The following KAZN variants were observed in gnomAD, a reference collection of about 807,000 sequenced individuals.
KAZN encodes the protein kazrin.
KAZN carries 40 observed loss-of-function variants against 87.4 expected under a neutral mutation model. The observed-to-expected ratio is 0.46, with a 90% CI of 0.36 to 0.60. KAZN has a LOEUF of 0.60. Ranked by LOEUF, KAZN falls within the 20% of genes least tolerant of loss-of-function variation. The pLI is 0.00. For missense variants in KAZN, 898 were observed against 1,073.9 expected (o/e 0.84, Z 2.29); for synonymous variants, 466 against 458.3 (o/e 1.02, Z -0.22).
chr1:14,088,506 A>G (rs1643902859), intron 1 of KAZN, among the ~76,000 whole-genome samples: 1 of 151,978 alleles, frequency 6.6e-6, no homozygotes, highest in South Asian at 2.1e-4. Context: ...AGAGATTTAT[A>G]TGATTTCAAT....
chr1:13,964,875 G>T (rs1641887096), intron 1 of KAZN, among the ~76,000 whole-genome samples: 1 of 152,206 alleles, frequency 6.6e-6, no homozygotes, highest in African/African-American at 2.4e-5. Flanking sequence ...CATTAAACAG[G>T]CTGGCAGGGA....
At chr1:14,958,238 C>T (rs572462856) in intron 1 of KAZN, among the ~76,000 whole-genome samples, 1 of 152,286 alleles carries the variant, frequency 6.6e-6, no homozygotes, top group South Asian at 2.1e-4. Context: ...TAGGAAAGGG[C>T]AGTGCATTAC....
At chr1:14,238,309 G>A (rs925785374) in intron 2 of KAZN, among the ~76,000 whole-genome samples, 6 of 152,224 alleles carry the variant, frequency 3.9e-5, no homozygotes, top group African/African-American at 1.2e-4. Flanking sequence ...GCTGGAAGGA[G>A]TAGGTGATGG....
intron 2 of KAZN, among the ~76,000 whole-genome samples, chr1:14,501,531 A>G (rs1670253509): frequency 6.6e-6 from 1 of 152,228 alleles, no homozygotes; most frequent in South Asian, 2.1e-4. Context: ...TTTTAAAAAC[A>G]ATTCCTTTTA....
rs188534890 is a variant in KAZN, at chr1:14,805,587, G to A, written c.227-155097G>A. 5.5e-3 allele frequency among the ~76,000 whole-genome samples: 839 copies of A among 151,976 alleles called. 9 individuals carry two copies. The highest frequency in any genetic ancestry group is 0.019 in the African/African-American group (784 of 41,466). ...CAGCCTGACCAACATGGTAAAACCC[G>A]TCTCTACTAAAAATACAAAAATTAG... On this transcript the variant is annotated intron_variant, in intron 1 of 14. Coordinates refer to ENST00000376030, the MANE Select transcript of KAZN (RefSeq NM_201628.3).
chr1:14,714,565 C>T (rs1298435353), intron 1 of KAZN, among the ~76,000 whole-genome samples: 1 of 152,048 alleles, frequency 6.6e-6, no homozygotes, highest in African/African-American at 2.4e-5. Context: ...TCTGCTAATG[C>T]GTTGCTCTTC....
At chr1:14,280,370 CAAAAAAAAA>C (rs1162522967) in intron 2 of KAZN, among the ~76,000 whole-genome samples, 1 of 36,824 alleles carries the variant, frequency 2.7e-5, no homozygotes. Context: ...GACTCCATCT[CAAAAAAAAA>C]AAAAAAAAAA....
intron 1 of KAZN, among the ~76,000 whole-genome samples, chr1:14,841,140 G>A (rs566234553): frequency 4.6e-5 from 7 of 151,688 alleles, no homozygotes; most frequent in Non-Finnish European, 8.8e-5. Context: ...ATAAGCGGCC[G>A]GGTGTGGTGG....
chr1:15,023,260 T>A (rs1670863093), intron 2 of KAZN, among the ~76,000 whole-genome samples: 1 of 152,182 alleles, frequency 6.6e-6, no homozygotes, highest in Admixed American at 6.5e-5. Flanking sequence ...AGGAGGTGCT[T>A]GCTTCAGTGA....
At chr1:14,292,379 G>A (rs1004883466) in intron 2 of KAZN, among the ~76,000 whole-genome samples, 6 of 152,168 alleles carry the variant, frequency 3.9e-5, no homozygotes, top group African/African-American at 9.6e-5. Flanking sequence ...TGGAAAAATC[G>A]CCCAAATAGC....
intron 1 of KAZN, among the ~76,000 whole-genome samples, chr1:14,003,142 G>A (rs1321571659): frequency 6.6e-6 from 1 of 151,978 alleles, no homozygotes; most frequent in African/African-American, 2.4e-5. Context: ...TCATAAGTGG[G>A]AGTTGAACAA....
chr1:14,302,359 C>T (rs778537460), intron 2 of KAZN, among the ~76,000 whole-genome samples: 2 of 152,140 alleles, frequency 1.3e-5, no homozygotes, highest in African/African-American at 2.4e-5. Flanking sequence ...CACCAAAGGA[C>T]GTGAAGAAGT....
intron 2 of KAZN, among the ~76,000 whole-genome samples, chr1:14,393,062 T>G (rs753318637): frequency 2.0e-5 from 3 of 152,220 alleles, no homozygotes; most frequent in Non-Finnish European, 4.4e-5. Context: ...TGTTCTCTGC[T>G]GGCTCATTTG....
At chr1:13,967,132 T>C (rs1641975202) in intron 1 of KAZN, among the ~76,000 whole-genome samples, 1 of 152,172 alleles carries the variant, frequency 6.6e-6, no homozygotes, top group South Asian at 2.1e-4. Flanking sequence ...TCAAAGCTTT[T>C]TATTTTGCAG....
chr1:14,772,199 G>C (rs1238346358), intron 1 of KAZN, among the ~76,000 whole-genome samples: 1 of 152,020 alleles, frequency 6.6e-6, no homozygotes, highest in East Asian at 1.9e-4. Flanking sequence ...AGTCTAGGAT[G>C]GGCCTGGGTG....
chr1:14,967,592 C>T (rs953168656), intron 2 of KAZN, among the ~76,000 whole-genome samples: 1 of 152,146 alleles, frequency 6.6e-6, no homozygotes, highest in African/African-American at 2.4e-5. Context: ...CCCAGTGGAT[C>T]ACAAGGGCCC....
At chr1:14,144,583 C>G (rs915683887) in intron 1 of KAZN, among the ~76,000 whole-genome samples, 1 of 152,096 alleles carries the variant, frequency 6.6e-6, no homozygotes, top group African/African-American at 2.4e-5. Flanking sequence ...GCTACCACAC[C>G]CGGCCTTGTC....
chr1:15,034,706 G>T, intron 2 of KAZN, 43 bp from the exon 3 acceptor site: 3 of 1,611,482 alleles, frequency 1.9e-6, no homozygotes, highest in Non-Finnish European at 2.5e-6. Context: ...ATCTGGAGAG[G>T]ACAGCTGGGG....
chr1:14,992,639 GT>G (rs1206527186), intron 2 of KAZN, among the ~76,000 whole-genome samples: 1 of 152,012 alleles, frequency 6.6e-6, no homozygotes, highest in South Asian at 2.1e-4. Context: ...AGCCTTTATT[GT>G]TTTTTTGTTT....
Sources: allele counts gnomAD v4.1 joint callset (sites outside exome capture counted in the v4.1 genomes callset), GRCh38; gene constraint gnomAD v4.1.1; transcripts MANE v1.5; gene names NCBI Gene and HGNC (gene_info 2026-07-23, HGNC 2026-07-21).